ADAM22: variants seen among roughly 807,000 people sequenced by gnomAD.
ADAM22 encodes ADAM metallopeptidase domain 22.
In ADAM22, 65 loss-of-function variants were observed where a neutral mutation model predicts 144.6. The observed-to-expected ratio is 0.45, with a 90% confidence interval of 0.37 to 0.55. The LOEUF (loss-of-function observed/expected upper bound fraction) is 0.55, where lower values mean the gene tolerates loss of function less well. Ranked by LOEUF, ADAM22 falls within the 20% of genes least tolerant of loss-of-function variation. The pLI is 0.00. For synonymous variants in ADAM22, 391 were observed against 412.6 expected (o/e 0.95, Z 0.63); for missense variants, 974 against 1,184.9 (o/e 0.82, Z 2.61).
At chr7:88,157,031 T>C (rs966028392) in intron 22 of ADAM22, among the ~76,000 whole-genome samples, 12 of 152,060 alleles carry the variant, frequency 7.9e-5, no homozygotes, top group African/African-American at 2.9e-4. Flanking sequence ...GCTGTTTTTT[T>C]AAACAGGGAA....
intron 3 of ADAM22, among the ~76,000 whole-genome samples, chr7:88,008,033 G>A (rs1157495524): frequency 4.6e-5 from 7 of 152,046 alleles, no homozygotes; most frequent in Non-Finnish European, 7.3e-5. Context: ...AATCTACAAC[G>A]AACTCAAACA....
intron 2 of ADAM22, among the ~76,000 whole-genome samples, chr7:87,948,748 T>C (rs1043621386): frequency 2.0e-5 from 3 of 152,194 alleles, no homozygotes; most frequent in Non-Finnish European, 4.4e-5. Context: ...AAGTTGTGCA[T>C]GCTTATGTGT....
chr7:87,953,343 GT>G (rs981664167), intron 2 of ADAM22, among the ~76,000 whole-genome samples: 3 of 151,600 alleles, frequency 2.0e-5, no homozygotes, highest in Non-Finnish European at 2.9e-5. Flanking sequence ...TATGTTGGGT[GT>G]TTGTTCTCGT....
rs1306492213 is a variant in ADAM22, at chr7:88,197,131, T to C, written c.*640T>C. 6.6e-6 allele frequency: 1 copy of C among 152,252 alleles called. No individual in the cohort carries two copies. Among genetic ancestry groups the C allele is most frequent in the African/African-American group, 2.4e-5 (1 of 41,442 alleles). 9.4% of individuals were successfully genotyped at this position (152,252 alleles called of 1,614,324 possible). On this transcript the variant is annotated 3_prime_UTR_variant, in exon 32 of 32. Coordinates refer to ENST00000413139, the MANE Select transcript of ADAM22 (RefSeq NM_001324418.2). ...GTATATATGTAACATTTTTAAAATT[T>C]TAAAAAAATGCAGCTGTTACACACA... is the stretch of plus-strand genomic sequence containing the variant.
At chr7:88,048,145 C>T (rs923547515) in intron 3 of ADAM22, among the ~76,000 whole-genome samples, 3 of 151,988 alleles carry the variant, frequency 2.0e-5, no homozygotes, top group Non-Finnish European at 4.4e-5. Flanking sequence ...CGGCAGCCTA[C>T]TTTTTTCACT....
chr7:88,134,264 T>C, intron 12 of ADAM22, 65 bp from the exon 13 acceptor site: 1 of 1,258,938 alleles, frequency 7.9e-7, no homozygotes. Context: ...GTGACATTTT[T>C]CTCTGGTTCT....
intron 4 of ADAM22, among the ~76,000 whole-genome samples, chr7:88,079,319 C>T (rs1262629110): frequency 1.3e-5 from 2 of 152,128 alleles, no homozygotes; most frequent in Non-Finnish European, 1.5e-5. Flanking sequence ...CACCACCAGG[C>T]CTGCCCTACA....
chr7:88,118,615 A>G (rs1247101002), intron 7 of ADAM22, among the ~76,000 whole-genome samples: 1 of 150,844 alleles, frequency 6.6e-6, no homozygotes, highest in Non-Finnish European at 1.5e-5. Flanking sequence ...ACTTGACTGT[A>G]GGCTTGCTAG....
chr7:88,008,418 A>C (rs1387586006), intron 3 of ADAM22, among the ~76,000 whole-genome samples: 1 of 151,522 alleles, frequency 6.6e-6, no homozygotes, highest in Non-Finnish European at 1.5e-5. Flanking sequence ...CCAAAGGACT[A>C]TAAATCATGC....
rs1850907721 is a variant in ADAM22, at chr7:88,198,495, G to A, written c.*2004G>A. 6.6e-6 allele frequency: 1 copy of A among 152,250 alleles called. No individual in the cohort carries two copies. Among genetic ancestry groups the A allele is most frequent in the Non-Finnish European group, 1.5e-5 (1 of 68,050 alleles). The allele number at this position is 152,250 out of a possible 1,614,324, so 9.4% of individuals were successfully genotyped here. ...CAAGCCAAGAACAGAAGGGCAGACA[G>A]ATTGAAAGATGTAGCAAATAAAGTG... is the stretch of plus-strand genomic sequence containing the variant. On this transcript the variant is annotated 3_prime_UTR_variant, in exon 32 of 32. Transcript: ENST00000413139.
At chr7:88,075,905 G>C (rs927847445) in intron 4 of ADAM22, among the ~76,000 whole-genome samples, 4 of 152,186 alleles carry the variant, frequency 2.6e-5, no homozygotes, top group African/African-American at 9.7e-5. Flanking sequence ...GGAATTGCTA[G>C]ACTTAATGTT....
chr7:88,121,324 A>G (rs1769713523), intron 7 of ADAM22, among the ~76,000 whole-genome samples: 1 of 152,034 alleles, frequency 6.6e-6, no homozygotes, highest in South Asian at 2.1e-4. Flanking sequence ...ATGGGGGAAA[A>G]CAGCATATTA....
At chr7:88,172,521 G>A (rs1480485443) in intron 26 of ADAM22, among the ~76,000 whole-genome samples, 2 of 151,786 alleles carry the variant, frequency 1.3e-5, no homozygotes, top group Non-Finnish European at 3.0e-5. Context: ...TATAAATGTG[G>A]TAATTTGTCA....
chr7:87,958,105 G>A (rs974846845), intron 2 of ADAM22, among the ~76,000 whole-genome samples: 2 of 151,954 alleles, frequency 1.3e-5, no homozygotes, highest in Admixed American at 1.3e-4. Flanking sequence ...TTTCCCATTA[G>A]TAGTATTTAT....
rs888977008 is a variant in ADAM22 at position 88,088,921 on chromosome 7, G to A, written c.390+13229G>A. On this transcript the variant is annotated intron_variant, in intron 4 of 31. Coordinates refer to ENST00000413139, the MANE Select transcript of ADAM22 (RefSeq NM_001324418.2). ...CAGAGTTCAGTTTATATACGATATAGGTTATAGTTTAGTGACTGCATTCCA... is the reference window on the plus strand; with the variant it reads ...CAGAGTTCAGTTTATATACGATATAAGTTATAGTTTAGTGACTGCATTCCA... Among the ~76,000 whole-genome samples, 2 of 151,214 alleles carry A rather than the reference G, an allele frequency of 1.3e-5. 1 individual carries two copies. Among genetic ancestry groups the A allele is most frequent in the South Asian group, 4.2e-4 (2 of 4,788 alleles).
intron 3 of ADAM22, among the ~76,000 whole-genome samples, chr7:88,069,342 C>T (rs1331515672): frequency 2.0e-5 from 3 of 152,096 alleles, no homozygotes; most frequent in Non-Finnish European, 4.4e-5. Flanking sequence ...TTGGACTTCC[C>T]AGCCTCTGGA....
chr7:88,060,002 TA>T (rs922955621), intron 3 of ADAM22, among the ~76,000 whole-genome samples: 29 of 151,204 alleles, frequency 1.9e-4, no homozygotes, highest in South Asian at 8.3e-4. Flanking sequence ...CCCATGAATC[TA>T]AAAAAAAACC....
intron 30 of ADAM22, among the ~76,000 whole-genome samples, chr7:88,189,277 G>A (rs931841193): frequency 6.6e-6 from 1 of 152,170 alleles, no homozygotes; most frequent in African/African-American, 2.4e-5. Context: ...TAAGCTCTCA[G>A]AAGGTAGCCT....
rs893610969 is a variant in ADAM22, at chr7:88,201,930, G to A, written c.*5439G>A. On this transcript the variant is annotated 3_prime_UTR_variant, in exon 32 of 32. Coordinates refer to ENST00000413139, the MANE Select transcript of ADAM22 (RefSeq NM_001324418.2). ...CTTAGGGCTTAGCCTCTTATTTTAT[G>A]AATTTTCAGGCTGTGATTTGTGTTG... is the stretch of plus-strand genomic sequence containing the variant. 16 of 152,066 alleles carry A rather than the reference G, an allele frequency of 1.1e-4. No homozygotes were observed. The highest frequency in any genetic ancestry group is 2.0e-4 in the Admixed American group (3 of 15,268). The allele number at this position is 152,066 out of a possible 1,614,324, so 9.4% of individuals were successfully genotyped here. A position where few individuals can be genotyped will look rare whatever the true frequency, so the allele number is the denominator to read the frequency against.
Sources: gnomAD v4.1 joint callset for allele counts (sites outside exome capture counted in the v4.1 genomes callset) on GRCh38, gnomAD v4.1.1 for gene constraint, MANE v1.5 for transcripts, NCBI Gene and HGNC (gene_info 2026-07-23, HGNC 2026-07-21) for gene names.